The following SNTG2 variants were observed in gnomAD, a reference collection of about 807,000 sequenced individuals.
SNTG2 encodes gamma-2-syntrophin.
SNTG2 carries 74 observed loss-of-function variants against 70.9 expected under a neutral mutation model. The ratio of observed to expected loss-of-function variants is 1.04; its 90% CI spans 0.86 to 1.27. The LOEUF (loss-of-function observed/expected upper bound fraction) is 1.27, where lower values mean the gene tolerates loss of function less well. Ranked by LOEUF, SNTG2 falls within the 50% of genes most tolerant of loss-of-function variation. The pLI is 0.00. For synonymous variants in SNTG2, 278 were observed against 273.8 expected (o/e 1.02, Z -0.15); for missense variants, 717 against 690.7 (o/e 1.04, Z -0.43).
intron 14 of SNTG2, among the ~76,000 whole-genome samples, chr2:1,307,078 TGTGA>T (rs998440030): frequency 3.2e-4 from 48 of 149,448 alleles, no homozygotes; most frequent in African/African-American, 1.2e-3. Context: ...TGGGGGAATG[TGTGA>T]GTGTGTGAAC....
chr2:1,222,194 C>G (rs1391242124), intron 9 of SNTG2, among the ~76,000 whole-genome samples: 1 of 149,480 alleles, frequency 6.7e-6, no homozygotes, highest in Admixed American at 6.8e-5. Context: ...TCTGCAGCCT[C>G]TCAGTCGAGG....
chr2:1,170,548 C>T (rs4643575), intron 7 of SNTG2, among the ~76,000 whole-genome samples: 35,736 of 151,984 alleles, frequency 0.24, 4,919 homozygotes, highest in East Asian at 0.44. Flanking sequence ...CCGTCTGCGC[C>T]GGACGTTTTC....
intron 16 of SNTG2, among the ~76,000 whole-genome samples, chr2:1,318,332 G>A (rs976170202): frequency 1.4e-4 from 21 of 152,298 alleles, no homozygotes; most frequent in African/African-American, 5.1e-4. Flanking sequence ...GTCACACATG[G>A]CATTTTTATA....
chr2:962,939 T>G (rs1660401462), intron 1 of SNTG2, among the ~76,000 whole-genome samples: 1 of 152,192 alleles, frequency 6.6e-6, no homozygotes, highest in South Asian at 2.1e-4. Flanking sequence ...GCGGGGAATT[T>G]GGAGGTACTG....
chr2:1,195,011 G>A lies in SNTG2; in HGVS notation c.592-14092G>A, dbSNP rs765173874. 2.0e-5 allele frequency among the ~76,000 whole-genome samples: 3 copies of A among 152,160 alleles called. No homozygotes were observed. The South Asian group carries it at 6.2e-4, about 32-fold the overall frequency. On this transcript the variant is annotated intron_variant, in intron 8 of 16. Coordinates refer to ENST00000308624, the MANE Select transcript of SNTG2 (RefSeq NM_018968.4). Reference sequence around the variant, plus strand: ...TCTGTTCTTGCGTTAATTTGTGGAGGATGATGGTTTCCAGCATCATCCATG... The same window carrying A: ...TCTGTTCTTGCGTTAATTTGTGGAGAATGATGGTTTCCAGCATCATCCATG...
chr2:1,131,364 CAG>C (rs898680340), intron 4 of SNTG2, among the ~76,000 whole-genome samples: 16 of 152,152 alleles, frequency 1.1e-4, no homozygotes, highest in East Asian at 3.9e-4. Context: ...GAGTCATGCT[CAG>C]GGGATGGATT....
chr2:1,209,449 T>C (rs1673893448), intron 9 of SNTG2, among the ~76,000 whole-genome samples: 3 of 152,248 alleles, frequency 2.0e-5, no homozygotes, highest in African/African-American at 7.2e-5. Context: ...AGAATAGTTC[T>C]ATCTAGGGCA....
intron 8 of SNTG2, among the ~76,000 whole-genome samples, chr2:1,188,922 CAA>C (rs1473569075): frequency 6.6e-6 from 1 of 151,848 alleles, no homozygotes; most frequent in Non-Finnish European, 1.5e-5. Flanking sequence ...AAAAATAAGA[CAA>C]AGATACCTAC....
At chr2:1,135,813 T>C (rs1238192352) in intron 4 of SNTG2, among the ~76,000 whole-genome samples, 1 of 152,220 alleles carries the variant, frequency 6.6e-6, no homozygotes, top group Non-Finnish European at 1.5e-5. Flanking sequence ...AAGTTTGTTT[T>C]GTAAAAATCA....
chr2:1,364,135 T>G (rs1433229980), intron 16 of SNTG2, among the ~76,000 whole-genome samples: 3 of 85,926 alleles, frequency 3.5e-5, no homozygotes, highest in Non-Finnish European at 6.5e-5. Context: ...CATGCCCAGT[T>G]AATTTTTAGT....
At chr2:1,003,904 T>C (rs1355072195) in intron 1 of SNTG2, among the ~76,000 whole-genome samples, 2 of 152,238 alleles carry the variant, frequency 1.3e-5, no homozygotes, top group Admixed American at 1.3e-4. Flanking sequence ...TGTAATTTGC[T>C]AGGCTTCTCC....
intron 1 of SNTG2, among the ~76,000 whole-genome samples, chr2:1,003,711 C>G (rs1395808840): frequency 6.6e-6 from 1 of 152,134 alleles, no homozygotes; most frequent in Non-Finnish European, 1.5e-5. Context: ...TCGGAAGGAG[C>G]TGCTGTGACG....
In SNTG2 at chr2:956,595, G is replaced by A. The variant is rs150330507; in HGVS notation, c.72+5527G>A. The stretch of plus-strand genomic sequence containing the variant: ...GCTCCCCCAGGGCCCCGGCCCACCC[G>A]TGGCTGTGAATGGGCCCATCTCGGT... On this transcript the variant is annotated intron_variant, in intron 1 of 16. Transcript: ENST00000308624. Among the ~76,000 whole-genome samples, 1,151 of 152,328 alleles carry A rather than the reference G, an allele frequency of 7.6e-3. 18 individuals are homozygous for A. Among genetic ancestry groups the A allele is most frequent in the African/African-American group, 0.026 (1,062 of 41,570 alleles).
At chr2:1,355,158 G>A (rs1357070220) in intron 16 of SNTG2, among the ~76,000 whole-genome samples, 1 of 152,210 alleles carries the variant, frequency 6.6e-6, no homozygotes, top group Non-Finnish European at 1.5e-5. Flanking sequence ...TGTGACCTGG[G>A]AAATCACGTA....
chr2:1,185,724 C>T (rs1466516349), intron 8 of SNTG2, among the ~76,000 whole-genome samples: 1 of 152,186 alleles, frequency 6.6e-6, no homozygotes, highest in East Asian at 1.9e-4. Context: ...CAGCAGGGCC[C>T]CGGGCCTGGC....
intron 4 of SNTG2, among the ~76,000 whole-genome samples, chr2:1,110,397 T>G (rs1666363785): frequency 6.6e-6 from 1 of 152,224 alleles, no homozygotes; most frequent in African/African-American, 2.4e-5. Flanking sequence ...GCCAGATCTG[T>G]GATTAATTTC....
At chr2:982,563 A>G (rs1425885107) in intron 1 of SNTG2, among the ~76,000 whole-genome samples, 1 of 152,228 alleles carries the variant, frequency 6.6e-6, no homozygotes, top group Admixed American at 6.5e-5. Context: ...AATGTAAAAT[A>G]CGAAATGTGA....
At chr2:1,185,533 G>A (rs1453492785) in intron 8 of SNTG2, among the ~76,000 whole-genome samples, 1 of 152,172 alleles carries the variant, frequency 6.6e-6, no homozygotes, top group Admixed American at 6.5e-5. Flanking sequence ...CTAGGCGGAG[G>A]CTCCCAAACC....
intron 1 of SNTG2, among the ~76,000 whole-genome samples, chr2:991,171 A>T (rs1275913033): frequency 1.3e-5 from 2 of 152,156 alleles, no homozygotes; most frequent in Non-Finnish European, 1.5e-5. Context: ...AGAAAACCAG[A>T]TGGCAATTGT....
Sources: allele counts gnomAD v4.1 joint callset (sites outside exome capture counted in the v4.1 genomes callset), GRCh38; gene constraint gnomAD v4.1.1; transcripts MANE v1.5; gene names NCBI Gene and HGNC (gene_info 2026-07-23, HGNC 2026-07-21).